ABTB3: variants seen among roughly 807,000 people sequenced by gnomAD.
ABTB3 encodes ankyrin repeat- and BTB/POZ domain-containing protein 3.
chr12:107,513,145 T>C, the ABTB3 span, among the ~76,000 whole-genome samples: 827 of 152,346 alleles, frequency 5.4e-3, 6 homozygotes, highest in African/African-American at 0.019. Flanking sequence ...GCCTGGCCCA[T>C]AGTTTGTACT....
chr12:107,444,691 C>A, the ABTB3 span, among the ~76,000 whole-genome samples: 1 of 152,226 alleles, frequency 6.6e-6, no homozygotes, highest in African/African-American at 2.4e-5. Context: ...AAAATCCATA[C>A]TTATTGATGT....
chr12:107,481,718 TG>T, the ABTB3 span, among the ~76,000 whole-genome samples: 1 of 152,192 alleles, frequency 6.6e-6, no homozygotes, highest in Admixed American at 6.5e-5. Context: ...GTTTCACCTT[TG>T]ACACAGCTGG....
the ABTB3 span, among the ~76,000 whole-genome samples, chr12:107,644,573 A>AC: frequency 6.6e-6 from 1 of 152,130 alleles, no homozygotes; most frequent in Non-Finnish European, 1.5e-5. Context: ...AGATTCCTAG[A>AC]CCCCACCCCA....
chr12:107,555,900 G>C, the ABTB3 span, among the ~76,000 whole-genome samples: 1 of 152,124 alleles, frequency 6.6e-6, no homozygotes, highest in East Asian at 1.9e-4. Flanking sequence ...TCATTGTAGA[G>C]ACCAGGGACC....
At chr12:107,402,690 C>T in the ABTB3 span, among the ~76,000 whole-genome samples, 8 of 152,218 alleles carry the variant, frequency 5.3e-5, no homozygotes, top group Non-Finnish European at 8.8e-5. Flanking sequence ...ACTGCCTCCG[C>T]CGCCAGGATT....
the ABTB3 span, among the ~76,000 whole-genome samples, chr12:107,600,434 G>A: frequency 6.6e-6 from 1 of 152,234 alleles, no homozygotes; most frequent in Non-Finnish European, 1.5e-5. Flanking sequence ...TGGGAAAGCT[G>A]TTTGTAAATG....
chr12:107,581,227 CT>C, the ABTB3 span: 1 of 1,533,874 alleles, frequency 6.5e-7, no homozygotes, highest in Admixed American at 2.0e-5. Context: ...GCCGCAGCTT[CT>C]CCATGGACAG....
the ABTB3 span, among the ~76,000 whole-genome samples, chr12:107,590,222 T>A: frequency 6.6e-6 from 1 of 152,226 alleles, no homozygotes; most frequent in Non-Finnish European, 1.5e-5. Context: ...CCTCCTTTAC[T>A]AATTTAGATG....
At chr12:107,318,875 A>C in the ABTB3 span, 1 of 1,486,702 alleles carries the variant, frequency 6.7e-7, no homozygotes, top group Non-Finnish European at 9.0e-7. Flanking sequence ...GCCCCGCGGC[A>C]CTCGCTGCTC....
At chr12:107,517,259 T>C in the ABTB3 span, among the ~76,000 whole-genome samples, 1 of 152,220 alleles carries the variant, frequency 6.6e-6, no homozygotes, top group Non-Finnish European at 1.5e-5. Flanking sequence ...CATGCTGTTT[T>C]GGTTACTGTA....
the ABTB3 span, among the ~76,000 whole-genome samples, chr12:107,587,398 G>A: frequency 6.6e-6 from 1 of 152,208 alleles, no homozygotes; most frequent in South Asian, 2.1e-4. Flanking sequence ...GAGCAGTGAG[G>A]ATGGAGAAAC....
At chr12:107,389,880 G>A in the ABTB3 span, among the ~76,000 whole-genome samples, 2,320 of 134,736 alleles carry the variant, frequency 0.017, 81 homozygotes, top group African/African-American at 0.061. Flanking sequence ...GTGTGTGTGT[G>A]TGTATGTATC....
the ABTB3 span, among the ~76,000 whole-genome samples, chr12:107,482,803 C>CT: frequency 3.4e-3 from 509 of 150,638 alleles, 3 homozygotes; most frequent in African/African-American, 6.3e-3. Context: ...CCTTCTCTCT[C>CT]TTTTTTTTTC....
the ABTB3 span, among the ~76,000 whole-genome samples, chr12:107,655,953 A>G: frequency 6.6e-6 from 1 of 152,180 alleles, no homozygotes; most frequent in Non-Finnish European, 1.5e-5. Flanking sequence ...GTTATTGAGT[A>G]GCCAGCATTT....
At chr12:107,608,803 T>C in the ABTB3 span, among the ~76,000 whole-genome samples, 1 of 151,370 alleles carries the variant, frequency 6.6e-6, no homozygotes, top group Non-Finnish European at 1.5e-5. Context: ...CCCAGGAGTC[T>C]GAGGCTGCAG....
the ABTB3 span, among the ~76,000 whole-genome samples, chr12:107,656,929 C>A: frequency 6.6e-6 from 1 of 152,126 alleles, no homozygotes; most frequent in Non-Finnish European, 1.5e-5. Context: ...CTTTGGGACG[C>A]CCGCCTTGGT....
chr12:107,461,593 A>G, the ABTB3 span, among the ~76,000 whole-genome samples: 4 of 95,414 alleles, frequency 4.2e-5, no homozygotes, highest in African/African-American at 8.5e-5. Context: ...AAACGAATCC[A>G]TTCGCAACCC....
At chr12:107,432,397 G>C in the ABTB3 span, among the ~76,000 whole-genome samples, 10 of 152,200 alleles carry the variant, frequency 6.6e-5, no homozygotes, top group African/African-American at 2.4e-4. Flanking sequence ...AGTGAGACAG[G>C]CCTGTCAGCT....
chr12:107,451,376 A>T, the ABTB3 span, among the ~76,000 whole-genome samples: 26,306 of 152,174 alleles, frequency 0.17, 2,575 homozygotes, highest in Admixed American at 0.28. Flanking sequence ...GACACCCTGC[A>T]ACCCTCTGCT....
Sources: gnomAD v4.1 joint callset for allele counts (sites outside exome capture counted in the v4.1 genomes callset) on GRCh38, gnomAD v4.1.1 for gene constraint, MANE v1.5 for transcripts, NCBI Gene and HGNC (gene_info 2026-07-23, HGNC 2026-07-21) for gene names.